Variants in CHMP3 observed in about 807,000 individuals in gnomAD.
The protein encoded by CHMP3 is charged multivesicular body protein 3, also known as 25.1 protein.
Under a neutral mutation model 27.4 loss-of-function variants are expected in CHMP3, and 8 were observed. The ratio of observed to expected loss-of-function variants is 0.29; its 90% CI spans 0.17 to 0.53. The LOEUF (loss-of-function observed/expected upper bound fraction) is 0.53, where lower values mean the gene tolerates loss of function less well. Among genes scored for constraint, CHMP3 ranks in the 20% least tolerant of loss-of-function variants. The probability of loss-of-function intolerance (pLI) is 0.96; values close to 1 mark genes in which losing one functional copy is unlikely to be tolerated. For missense variants in CHMP3, 208 were observed against 271.5 expected (o/e 0.77, Z 1.64); for synonymous variants, 86 against 85.5 (o/e 1.01, Z -0.03).
At chr2:86,530,481 C>T (rs1422867258) in intron 2 of CHMP3, among the ~76,000 whole-genome samples, 1 of 152,140 alleles carries the variant, frequency 6.6e-6, no homozygotes, top group Non-Finnish European at 1.5e-5. Flanking sequence ...TTTCACTAAG[C>T]ATAATATTTT....
At chr2:86,517,958 CTA>C (rs1216975346) in intron 3 of CHMP3, among the ~76,000 whole-genome samples, 2 of 152,014 alleles carry the variant, frequency 1.3e-5, no homozygotes, top group Non-Finnish European at 2.9e-5. Flanking sequence ...GAGGTTGAGG[CTA>C]TGAGAGCCAT....
intron 1 of CHMP3, among the ~76,000 whole-genome samples, chr2:86,544,634 CAT>C (rs1245762863): frequency 1.3e-5 from 2 of 152,172 alleles, no homozygotes; most frequent in Admixed American, 6.5e-5. Flanking sequence ...TGACACAGCA[CAT>C]GTTTCAGAGA....
intron 2 of CHMP3, among the ~76,000 whole-genome samples, chr2:86,540,204 A>G (rs1368586446): frequency 6.6e-6 from 1 of 152,058 alleles, no homozygotes; most frequent in Non-Finnish European, 1.5e-5. Flanking sequence ...TTTGGAGATG[A>G]GTTCCTTGGA....
Position 86,518,662 on chromosome 2 carries a change from CA to C in CHMP3, c.287-8184del, listed in dbSNP as rs199561914. On this transcript the variant is annotated intron_variant, in intron 3 of 5. Coordinates refer to ENST00000263856, the MANE Select transcript of CHMP3 (RefSeq NM_016079.4). Reference sequence around the variant, plus strand: ...GTTTTACGCATTCTAGGGTGTTCAGCAGCAGCCCTGGTTTCTGCCCACTAGA... The same window carrying C: ...GTTTTACGCATTCTAGGGTGTTCAGCGCAGCCCTGGTTTCTGCCCACTAGA... Among the ~76,000 whole-genome samples, 510 of 152,178 alleles carry C rather than the reference CA, an allele frequency of 3.4e-3. 5 individuals carry two copies. The highest frequency in any genetic ancestry group is 0.012 in the African/African-American group (492 of 41,494).
At position 86,507,562 on chromosome 2, in the gene CHMP3, G is replaced by C. The variant is rs1469334620; in HGVS notation, c.440C>G (p.Thr147Ser). 1 of 1,614,016 alleles carries C rather than the reference G, an allele frequency of 6.2e-7. No individual in the cohort carries two copies. Among genetic ancestry groups the C allele is most frequent in the African/African-American group, 1.3e-5 (1 of 74,908 alleles). Reference sequence around the variant, plus strand: ...TTCCTGATCGTCCATGCTTTCAAAAGTGTCCTCTAACATCTCCTCTATGAT... The same window carrying C: ...TTCCTGATCGTCCATGCTTTCAAAACTGTCCTCTAACATCTCCTCTATGAT... ...AGIIEEMLED[T>S]FESMDDQEEM... The change falls in exon 5 of 6, where the codon ACT becomes AGT. Residue 147 changes from threonine to serine, a missense_variant. Transcript: ENST00000263856.
chr2:86,543,361 G>A (rs1256303014), intron 1 of CHMP3, among the ~76,000 whole-genome samples: 4 of 152,210 alleles, frequency 2.6e-5, no homozygotes, highest in Non-Finnish European at 5.9e-5. Flanking sequence ...GAAGTCACTA[G>A]TGTATTAAAA....
At chr2:86,552,054 A>G (rs976704677) in intron 1 of CHMP3, among the ~76,000 whole-genome samples, 1 of 152,230 alleles carries the variant, frequency 6.6e-6, no homozygotes, top group African/African-American at 2.4e-5. Context: ...ATATGCTAGA[A>G]AACAAGGAAG....
chr2:86,524,954 CATTT>C (rs1675642821), intron 3 of CHMP3, among the ~76,000 whole-genome samples: 1 of 152,318 alleles, frequency 6.6e-6, no homozygotes, highest in South Asian at 2.1e-4. Context: ...ATCCATTTAT[CATTT>C]ATTTACACAA....
At position 86,504,119 on chromosome 2, in the gene CHMP3, G is replaced by A. The variant is rs1674799386; in HGVS notation, c.*1685C>T. ...GATTAGGGAAGAAAGGGATGAACAG[G>A]TGAAGCATAGAGAAGTTTTAGGGCA... On this transcript the variant is annotated 3_prime_UTR_variant, in exon 6 of 6. Transcript: ENST00000263856. 1 of 152,124 alleles carries A rather than the reference G, an allele frequency of 6.6e-6. No homozygotes were observed. Among genetic ancestry groups the A allele is most frequent in the Admixed American group, 6.5e-5 (1 of 15,272 alleles). 9.4% of individuals were successfully genotyped at this position (152,124 alleles called of 1,614,324 possible). A position where few individuals can be genotyped will look rare whatever the true frequency, so the allele number is the denominator to read the frequency against.
At chr2:86,532,595 G>A (rs1259847402) in intron 2 of CHMP3, among the ~76,000 whole-genome samples, 2 of 151,996 alleles carry the variant, frequency 1.3e-5, no homozygotes, top group Non-Finnish European at 2.9e-5. Context: ...TTTTTACTAT[G>A]TTCAGGTAAT....
intron 2 of CHMP3, 87 bp downstream of exon 2, chr2:86,542,165 A>G: frequency 2.2e-6 from 3 of 1,356,940 alleles, no homozygotes; most frequent in Non-Finnish European, 3.1e-6. Flanking sequence ...ACTATGTCTT[A>G]TGATATATAA....
intron 1 of CHMP3, among the ~76,000 whole-genome samples, chr2:86,549,863 A>AGAGGCGCTCCTCGCCTCCCAGACGGGGCG (rs1558660679): frequency 7.2e-6 from 1 of 138,844 alleles, no homozygotes; most frequent in African/African-American, 2.7e-5. Context: ...CAGATGGGGC[A>AGAGGCGCTCCTCGCCTCCCAGACGGGGCG]GCCGGGCAGA....
intron 3 of CHMP3, among the ~76,000 whole-genome samples, chr2:86,524,372 T>C (rs1675622386): frequency 2.6e-5 from 4 of 152,222 alleles, no homozygotes; most frequent in Admixed American, 2.6e-4. Context: ...GTGGGTTCAG[T>C]GTTTGTAAAT....
intron 1 of CHMP3, among the ~76,000 whole-genome samples, chr2:86,543,386 A>G (rs1425467562): frequency 6.6e-6 from 1 of 152,250 alleles, no homozygotes. Context: ...TGACATATAG[A>G]GCTGGAAAGG....
At position 86,563,420 on chromosome 2, in the gene CHMP3, T is replaced by G; in HGVS notation, c.-72A>C. The G allele has an allele frequency of 4.5e-6, 7 of 1,555,804 alleles. No individual in the cohort carries two copies. Among genetic ancestry groups the G allele is most frequent in the South Asian group, 2.4e-5 (2 of 84,682 alleles). On this transcript the variant is annotated 5_prime_UTR_variant, in exon 1 of 6. Coordinates refer to ENST00000263856, the MANE Select transcript of CHMP3 (RefSeq NM_016079.4). ...CCCAGGCAGGTCACGGGCAGCCGCC[T>G]GGGCGGGGCCCGCGGAAAAGGAGGT...
At chr2:86,544,887 C>A (rs537978517) in intron 1 of CHMP3, among the ~76,000 whole-genome samples, 2 of 151,874 alleles carry the variant, frequency 1.3e-5, no homozygotes, top group African/African-American at 4.8e-5. Context: ...CCAGACGGGG[C>A]GACCGGGCAG....
rs769149856 is a variant in CHMP3, at chr2:86,554,814, C to CGTGTGTGTGTGT, written c.45+8489_45+8490insACACACACACAC. Among the ~76,000 whole-genome samples, 793 of 138,082 alleles carry CGTGTGTGTGTGT rather than the reference C, an allele frequency of 5.7e-3. 8 individuals are homozygous for CGTGTGTGTGTGT. Among genetic ancestry groups the CGTGTGTGTGTGT allele is most frequent in the East Asian group, 0.018 (89 of 4,938 alleles). The allele number at this position is 138,082 out of a possible 152,430, so 90.6% of individuals were successfully genotyped here. A position where few individuals can be genotyped will look rare whatever the true frequency, so the allele number is the denominator to read the frequency against. On this transcript the variant is annotated intron_variant, in intron 1 of 5. Coordinates refer to ENST00000263856, the MANE Select transcript of CHMP3 (RefSeq NM_016079.4). ...CATCAATAGAATAAATGTGTGTGCG[C>CGTGTGTGTGTGT]GCGTGTGTGTGTGTGTGTGTGTGTG...
rs777463404 is a variant in CHMP3, at chr2:86,505,948, C to T, written c.525G>A (p.Gly175=). 1 of 1,553,688 alleles carries T rather than the reference C, an allele frequency of 6.4e-7. No individual in the cohort carries two copies. Among genetic ancestry groups the T allele is most frequent in the South Asian group, 1.2e-5 (1 of 83,782 alleles). Residue 175 remains glycine (G), a splice_region_variant and synonymous_variant, in exon 6 of 6, where the codon GGG becomes GGA. Transcript: ENST00000263856. Reference sequence around the variant, plus strand: ...CTTTACTGGGTGCTTTGCCCAAGGCCCCTGAAAAGAAAGAGCAAAGATGAA... The same window carrying T: ...CTTTACTGGGTGCTTTGCCCAAGGCTCCTGAAAAGAAAGAGCAAAGATGAA... The part of the protein sequence containing the change: ...IDRILFEITA[G]ALGKAPSKVT...
chr2:86,519,774 T>G (rs1000087562), intron 3 of CHMP3, among the ~76,000 whole-genome samples: 2 of 152,188 alleles, frequency 1.3e-5, no homozygotes, highest in Non-Finnish European at 2.9e-5. Context: ...AAGACAATTA[T>G]GAACTGTAGA....
Sources: allele counts gnomAD v4.1 joint callset (sites outside exome capture counted in the v4.1 genomes callset), GRCh38; gene constraint gnomAD v4.1.1; transcripts MANE v1.5; gene names NCBI Gene and HGNC (gene_info 2026-07-23, HGNC 2026-07-21).